The following ABCA7 variants were observed in gnomAD, a reference collection of about 807,000 sequenced individuals.
ABCA7 encodes ATP binding cassette subfamily A member 7.
A neutral mutation model predicts 227.6 loss-of-function variants in ABCA7; 261 were observed. That is an observed-to-expected ratio of 1.15 (90% CI 1.04 to 1.27). The LOEUF is 1.27. Ranked by LOEUF, ABCA7 falls within the 50% of genes most tolerant of loss-of-function variation. The probability of loss-of-function intolerance (pLI) is 0.00; values close to 1 mark genes in which losing one functional copy is unlikely to be tolerated. For synonymous variants in ABCA7, 1,488 were observed against 1,279.7 expected, an observed-to-expected ratio of 1.16 and a Z score of -3.47; for missense variants, 3,331 against 2,924.5, an observed-to-expected ratio of 1.14 and a Z score of -3.21.
In ABCA7 at chr19:1,054,790, C is replaced by G; in HGVS notation, c.3862C>G (p.Pro1288Ala). 1 of 1,599,308 alleles carries G rather than the reference C, an allele frequency of 6.3e-7. No homozygotes were observed. The highest frequency in any genetic ancestry group is 1.3e-5 in the African/African-American group (1 of 74,700). Reference sequence around the variant, plus strand: ...TCCCCTCACACACAGTGAGGACGCCCCAGGGGACCCTGGACGTGCCCGGCT... The same window carrying G: ...TCCCCTCACACACAGTGAGGACGCCGCAGGGGACCCTGGACGTGCCCGGCT... The part of the protein sequence containing the change: ...AQVSFFSEDA[P>A]GDPGRARLLE... The change falls in exon 29 of 47, where the codon CCA (proline) becomes GCA (alanine). Residue 1288 changes from proline (P) to alanine (A), a missense_variant. Physicochemically the swap from Pro to Ala is conservative, Grantham distance 27. Transcript: ENST00000263094. The surrounding 1 kb of genome is among the most constrained non-coding windows in gnomAD (Gnocchi z 4.8).
At position 1,056,161 on chromosome 19, in the gene ABCA7, C is replaced by A; in HGVS notation, c.4334C>A (p.Pro1445His). Reference sequence around the variant, plus strand: ...GAGGAGTTGTGGGCGCTGCTGAGTCCCCTGCCTGGCGGGGCCCTCGACCGT... The same window carrying A: ...GAGGAGTTGTGGGCGCTGCTGAGTCACCTGCCTGGCGGGGCCCTCGACCGT... ...SVEELWALLS[P>H]LPGGALDRVL... Residue 1445 changes from proline (P) to histidine (H), a missense_variant, in exon 32 of 47, where the codon CCC becomes CAC. Transcript: ENST00000263094. This position sits in a 1 kb window ranked among gnomAD's most constrained non-coding sequence, Gnocchi z 4.3. 6.2e-7 allele frequency: 1 copy of A among 1,609,106 alleles called. No homozygotes were observed. Among genetic ancestry groups the A allele is most frequent in the Non-Finnish European group, 8.5e-7 (1 of 1,179,356 alleles).
At position 1,048,757 on chromosome 19, in the gene ABCA7, C is replaced by T. The variant is rs1348772778; in HGVS notation, c.2270-138C>T. ...TGGGGAGGCGGAGCTTGCAGCGAGTCAAAATCGTGCCACTGCACTCCAGCC... is the reference window on the plus strand; with the variant it reads ...TGGGGAGGCGGAGCTTGCAGCGAGTTAAAATCGTGCCACTGCACTCCAGCC... On this transcript the variant is annotated intron_variant, in intron 16 of 46. Transcript: ENST00000263094. 14 of 450,416 alleles carry T rather than the reference C, an allele frequency of 3.1e-5. No homozygotes were observed. In the East Asian group the frequency reaches 5.1e-4, roughly 16 times the overall value. The allele number at this position is 450,416 out of a possible 1,614,324, so 27.9% of individuals were successfully genotyped here. A position where few individuals can be genotyped will look rare whatever the true frequency, so the allele number is the denominator to read the frequency against.
In ABCA7 at chr19:1,049,472, C is replaced by CAA. The variant is rs1555688306; in HGVS notation, c.2552+35_2552+36insAA. The CAA allele has an allele frequency of 2.5e-5, 20 of 787,070 alleles. 1 individual carries two copies. Among genetic ancestry groups the CAA allele is most frequent in the East Asian group, 7.2e-5 (1 of 13,870 alleles). 48.8% of individuals were successfully genotyped at this position (787,070 alleles called of 1,614,324 possible). On this transcript the variant is annotated intron_variant, in intron 18 of 46. Coordinates refer to ENST00000263094, the MANE Select transcript of ABCA7 (RefSeq NM_019112.4). The stretch of plus-strand genomic sequence containing the variant: ...CAACCACTCCCTCCCCGTGAGCCCC[C>CAA]CCACTCCCACCCCGTGAGCCCCCCC...
At chr19:1,042,669 G>T (rs776229100) in intron 6 of ABCA7, 77 bp from the exon 7 acceptor site, 4 of 1,439,320 alleles carry the variant, frequency 2.8e-6, no homozygotes, top group Non-Finnish European at 3.9e-6. Context: ...AGTATGGTCT[G>T]CCTGGGAACT....
chr19:1,054,434 C>G lies in ABCA7; in HGVS notation c.3726+93C>G. ...GTGGCCTAATCCAAACCCTTACCCC[C>G]GTGTGTATTCCCAACCCAAAGCACA... On this transcript the variant is annotated intron_variant, in intron 27 of 46. Coordinates refer to ENST00000263094, the MANE Select transcript of ABCA7 (RefSeq NM_019112.4). The surrounding 1 kb of genome is among the most constrained non-coding windows in gnomAD (Gnocchi z 4.8). 1 of 1,550,062 alleles carries G rather than the reference C, an allele frequency of 6.5e-7. No individual in the cohort carries two copies. The highest frequency in any genetic ancestry group is 8.7e-7 in the Non-Finnish European group (1 of 1,149,838).
rs747100579 is a variant in ABCA7 at position 1,062,285 on chromosome 19, G to A, written c.5684G>A (p.Arg1895His). 3.7e-6 allele frequency: 6 copies of A among 1,608,112 alleles called. No homozygotes were observed. The South Asian group carries it at 4.4e-5, about 12-fold the overall frequency. ...CACCTGGAGCTGCTTGCGCGCCTGC[G>A]CGGTGTCCCGGAGGCCCAGGTTGCC... is the stretch of plus-strand genomic sequence containing the variant. ...REHLELLARL[R>H]GVPEAQVAQT... is the part of the protein sequence containing the mutation. Residue 1895 changes from arginine to histidine, a missense_variant, in exon 42 of 47, where the codon CGC becomes CAC. Coordinates refer to ENST00000263094, the MANE Select transcript of ABCA7 (RefSeq NM_019112.4).
rs1198230852 is a variant in ABCA7, at chr19:1,058,626, C to T, written c.5158C>T (p.Gln1720Ter). 1.2e-6 allele frequency: 2 copies of T among 1,613,800 alleles called. No individual in the cohort carries two copies. Among genetic ancestry groups the T allele is most frequent in the Non-Finnish European group, 1.7e-6 (2 of 1,179,974 alleles). The stretch of plus-strand genomic sequence containing the variant: ...CCTTTCTATATCCACAGGAGACAGG[C>T]AGTTCCAGTCACCCCTGCGCTGGGA... ...ADAFERLGDR[Q>*]FQSPLRWEVV... Residue 1720 changes from glutamine (Q) to a stop codon, truncating the protein, a stop_gained, in exon 38 of 47, where the codon CAG (glutamine) becomes TAG (stop). Coordinates refer to ENST00000263094, the MANE Select transcript of ABCA7 (RefSeq NM_019112.4). LOFTEE classifies it high-confidence loss of function.
chr19:1,056,541 C>T lies in ABCA7; in HGVS notation c.4586+42C>T, dbSNP rs765263916. ...TGCATGTCCTACCCTGCACGTCCTA[C>T]CCTGCCTCCATTTCTCTGTCGTTTG... On this transcript the variant is annotated intron_variant, in intron 33 of 46. Coordinates refer to ENST00000263094, the MANE Select transcript of ABCA7 (RefSeq NM_019112.4). The surrounding 1 kb of genome is among the most constrained non-coding windows in gnomAD (Gnocchi z 4.3). 1 of 1,568,432 alleles carries T rather than the reference C, an allele frequency of 6.4e-7. No homozygotes were observed. The highest frequency in any genetic ancestry group is 1.4e-5 in the African/African-American group (1 of 73,806).
In ABCA7 at chr19:1,056,716, C is replaced by T. The variant is rs1045993970; in HGVS notation, c.4587-191C>T. Among the ~76,000 whole-genome samples the T allele has an allele frequency of 2.0e-5, 3 of 152,194 alleles. No homozygotes were observed. The highest frequency in any genetic ancestry group is 1.3e-4 in the Admixed American group (2 of 15,272). ...CCCCACACATCCTCATCCCACCAAC[C>T]TTTATCCTGCCTGAGACCTGTACAA... On this transcript the variant is annotated intron_variant, in intron 33 of 46. Transcript: ENST00000263094. The surrounding 1 kb of genome is among the most constrained non-coding windows in gnomAD (Gnocchi z 4.3).
intron 7 of ABCA7, 36 bp downstream of exon 7, chr19:1,042,862 G>A (rs1424588228): frequency 2.6e-6 from 4 of 1,535,570 alleles, no homozygotes; most frequent in Non-Finnish European, 3.5e-6. Flanking sequence ...CCCCATGGAG[G>A]CAACGTTGGC....
intron 42 of ABCA7, 55 bp from the exon 43 acceptor site, chr19:1,063,489 C>G (rs902644246): frequency 1.9e-6 from 3 of 1,585,196 alleles, no homozygotes; most frequent in African/African-American, 2.7e-5. Flanking sequence ...CACTGTGGCC[C>G]TGCCCCATAC....
In ABCA7 at chr19:1,047,489, G is replaced by A. The variant is rs891238545; in HGVS notation, c.2104G>A (p.Glu702Lys). The A allele has an allele frequency of 2.5e-6, 4 of 1,573,290 alleles. No homozygotes were observed. The highest frequency in any genetic ancestry group is 1.1e-5 in the South Asian group (1 of 88,114). Reference sequence around the variant, plus strand: ...GCCCGTGGCCTTCGGCTTCGGCTGCGAGAGCCTGGCTCTGCTGGAGGAGCA... The same window carrying A: ...GCCCGTGGCCTTCGGCTTCGGCTGCAAGAGCCTGGCTCTGCTGGAGGAGCA... ...LSPVAFGFGC[E>K]SLALLEEQGE... The change falls in exon 16 of 47, where the codon GAG becomes AAG. Residue 702 changes from glutamate to lysine, a missense_variant. Transcript: ENST00000263094.
Position 1,043,419 on chromosome 19 carries a change from C to G in ABCA7, c.876C>G (p.Leu292=), listed in dbSNP as rs145839896. The change falls in exon 9 of 47, where the codon CTC becomes CTG. Residue 292 remains leucine (L), a synonymous_variant. Transcript: ENST00000263094. ...LLWRRLKPLI[L]GKLLFAPDTP... ...GGAGACGCCTGAAGCCTCTGATCCTCGGGAAGCTACTCTTTGCACCAGATA... is the reference window on the plus strand; with the variant it reads ...GGAGACGCCTGAAGCCTCTGATCCTGGGGAAGCTACTCTTTGCACCAGATA... 3.1e-6 allele frequency: 5 copies of G among 1,613,300 alleles called. No homozygotes were observed. Among genetic ancestry groups the G allele is most frequent in the Middle Eastern group, 1.6e-4 (1 of 6,084 alleles).
At chr19:1,060,207 A>ATTTTTTT (rs201967062) in intron 40 of ABCA7, among the ~76,000 whole-genome samples, 2 of 96,864 alleles carry the variant, frequency 2.1e-5, no homozygotes, top group Admixed American at 1.1e-4. Flanking sequence ...ATATATATAT[A>ATTTTTTT]TTTTTTTTTC....
Position 1,044,722 on chromosome 19 carries a change from G to A in ABCA7, c.1193G>A (p.Gly398Asp), listed in dbSNP as rs2144705023. Residue 398 changes from glycine (G) to aspartate (D), a missense_variant, in exon 11 of 47, where the codon GGC becomes GAC. By Grantham distance (94) the Gly-to-Asp change is moderately conservative. Transcript: ENST00000263094. ...DAHADVGHLV[G>D]TLGRVTECLS... ...CACGCTGATGTGGGGCACCTGGTGG[G>A]CACGCTGGGCCGAGTGACGGAGGTG... 1 of 1,610,200 alleles carries A rather than the reference G, an allele frequency of 6.2e-7. No individual in the cohort carries two copies. The highest frequency in any genetic ancestry group is 2.2e-5 in the East Asian group (1 of 44,856).
chr19:1,047,413 C>A (rs776722260), intron 15 of ABCA7, 35 bp downstream of exon 15: 4 of 1,541,808 alleles, frequency 2.6e-6, no homozygotes, highest in African/African-American at 1.4e-5. Flanking sequence ...GGGGGACGCC[C>A]CCCGCTTCGG....
Position 1,056,624 on chromosome 19 carries a change from G to A in ABCA7, c.4586+125G>A. 7.7e-7 allele frequency: 1 copy of A among 1,297,328 alleles called. No homozygotes were observed. The highest frequency in any genetic ancestry group is 1.4e-5 in the South Asian group (1 of 70,884). 80.4% of individuals were successfully genotyped at this position (1,297,328 alleles called of 1,614,324 possible). ...ACTCTTGCTTTATAAATGGGGGATA[G>A]AAACTGTTCCTCTGCTCCCTAAGCC... is the stretch of plus-strand genomic sequence containing the variant. On this transcript the variant is annotated intron_variant, in intron 33 of 46. Coordinates refer to ENST00000263094, the MANE Select transcript of ABCA7 (RefSeq NM_019112.4). The surrounding 1 kb of genome is among the most constrained non-coding windows in gnomAD (Gnocchi z 4.3).
In ABCA7 at chr19:1,046,362, C is replaced by T; in HGVS notation, c.1578C>T (p.Gly526=). 1.3e-6 allele frequency: 2 copies of T among 1,594,146 alleles called. No individual in the cohort carries two copies. ...TCAGCGGCGCCAACCCCCGGGCCGG[C>T]CTCTACCTGCAGCAGATGCCCTATC... ...RVLSGANPRA[G]LYLQQMPYPC... The change falls in exon 13 of 47, where the codon GGC becomes GGT. Residue 526 remains glycine (G), a synonymous_variant. Transcript: ENST00000263094.
At chr19:1,048,865 C>G in intron 16 of ABCA7, 30 bp from the exon 17 acceptor site, 2 of 1,366,024 alleles carry the variant, frequency 1.5e-6, no homozygotes, top group South Asian at 1.3e-5. Context: ...GGGGGGTGGG[C>G]TAAGCAATAA....
Sources: allele counts gnomAD v4.1 joint callset (sites outside exome capture counted in the v4.1 genomes callset), GRCh38; gene constraint gnomAD v4.1.1; non-coding constraint Gnocchi (gnomAD v3.1); transcripts MANE v1.5; gene names NCBI Gene and HGNC (gene_info 2026-07-23, HGNC 2026-07-21).